Variants in COL6A6 observed in about 807,000 individuals in gnomAD.
COL6A6 encodes collagen alpha-6(VI) chain.
COL6A6 carries 183 observed loss-of-function variants against 208.6 expected under a neutral mutation model. The observed-to-expected ratio is 0.88, with a 90% CI of 0.78 to 0.99. The LOEUF is 0.99. COL6A6 is among the 50% of genes least tolerant of loss of function. The probability of loss-of-function intolerance (pLI) is 0.00; values close to 1 mark genes in which losing one functional copy is unlikely to be tolerated. For synonymous variants in COL6A6, 973 were observed against 1,011.8 expected, an observed-to-expected ratio of 0.96 and a Z score of 0.73; for missense variants, 2,816 against 2,815.2, an observed-to-expected ratio of 1.00 and a Z score of -0.01.
At chr3:130,577,809 C>G (rs910278983) in intron 8 of COL6A6, among the ~76,000 whole-genome samples, 4 of 152,196 alleles carry the variant, frequency 2.6e-5, no homozygotes, top group Non-Finnish European at 4.4e-5. Flanking sequence ...GGTAAGTGTT[C>G]ATTGAGAGTT....
intron 8 of COL6A6, among the ~76,000 whole-genome samples, chr3:130,574,793 G>A (rs2063255443): frequency 6.6e-6 from 1 of 152,180 alleles, no homozygotes; most frequent in South Asian, 2.1e-4. Context: ...CAGGTGTGAG[G>A]AAAAGGCCAT....
chr3:130,651,425 C>CAAAAA (rs35957602), intron 33 of COL6A6, among the ~76,000 whole-genome samples: 33 of 60,930 alleles, frequency 5.4e-4, no homozygotes, highest in East Asian at 1.2e-3. Context: ...GACTCCATCT[C>CAAAAA]AAAAAAAAAA....
At chr3:130,539,491 G>C (rs1200570870) in intron 1 of COL6A6, among the ~76,000 whole-genome samples, 1 of 152,128 alleles carries the variant, frequency 6.6e-6, no homozygotes, top group African/African-American at 2.4e-5. Flanking sequence ...AAAATTAGCC[G>C]GGTGTGGTGG....
In COL6A6 at chr3:130,574,288, C is replaced by T. The variant is rs779405796; in HGVS notation, c.3310C>T (p.Gln1104Ter). Residue 1104 changes from glutamine to a stop codon, truncating the protein, a stop_gained, in exon 8 of 37, where the codon CAG (glutamine) becomes TAG (stop). Coordinates refer to ENST00000358511, the MANE Select transcript of COL6A6 (RefSeq NM_001102608.3). LOFTEE classifies it high-confidence loss of function. ...MGSRINTGTP[Q>*]VLLVLTDGQS... is the part of the protein sequence containing the mutation. The stretch of plus-strand genomic sequence containing the variant: ...CAGCAGGATAAATACAGGTACCCCA[C>T]AGGTGCTGCTGGTCCTTACAGATGG... 4 of 1,614,014 alleles carry T rather than the reference C, an allele frequency of 2.5e-6. No homozygotes were observed. Among genetic ancestry groups the T allele is most frequent in the Non-Finnish European group, 3.4e-6 (4 of 1,179,904 alleles).
In COL6A6 at chr3:130,627,300, T is replaced by C. The variant is rs761291124; in HGVS notation, c.4942-19T>C. On this transcript the variant is annotated intron_variant, in intron 25 of 36. Coordinates refer to ENST00000358511, the MANE Select transcript of COL6A6 (RefSeq NM_001102608.3). The stretch of plus-strand genomic sequence containing the variant: ...TATCTGTAGTCTGGGATGTTGGTAA[T>C]CAATTGCTCTGTTTACAGGGCAATG... 3.1e-6 allele frequency: 5 copies of C among 1,609,292 alleles called. No individual in the cohort carries two copies. The highest frequency in any genetic ancestry group is 4.3e-6 in the Non-Finnish European group (5 of 1,175,774).
intron 33 of COL6A6, among the ~76,000 whole-genome samples, chr3:130,650,896 C>T (rs2065622532): frequency 6.6e-6 from 1 of 152,158 alleles, no homozygotes; most frequent in South Asian, 2.1e-4. Flanking sequence ...TAAGGGTGGT[C>T]ACTCACCTGT....
In COL6A6 at chr3:130,552,397, T is replaced by C. The variant is rs563861340; in HGVS notation, c.-31-7937T>C. Among the ~76,000 whole-genome samples, 12 of 152,308 alleles carry C rather than the reference T, an allele frequency of 7.9e-5. 1 individual carries two copies. The highest frequency in any genetic ancestry group is 3.3e-4 in the Admixed American group (5 of 15,300). ...CCTGTTACTATTATGTAATGTCCTTTGTCTTTTTTTTATCTTTGTTGGTTT... is the reference window on the plus strand; with the variant it reads ...CCTGTTACTATTATGTAATGTCCTTCGTCTTTTTTTTATCTTTGTTGGTTT... On this transcript the variant is annotated intron_variant, in intron 1 of 36. Transcript: ENST00000358511.
chr3:130,574,255 G>C lies in COL6A6; in HGVS notation c.3277G>C (p.Asp1093His), dbSNP rs1040803272. 1.2e-6 allele frequency: 2 copies of C among 1,613,900 alleles called. No individual in the cohort carries two copies. Among genetic ancestry groups the C allele is most frequent in the Admixed American group, 1.7e-5 (1 of 60,014 alleles). ...LREVEHYFRP[D>H]MGSRINTGTP... ...GGAGGTGGAACATTACTTCAGGCCA[G>C]ACATGGGCAGCAGGATAAATACAGG... Residue 1093 changes from aspartate to histidine, a missense_variant, in exon 8 of 37, where the codon GAC becomes CAC. By Grantham distance (81) the Asp-to-His change is moderately conservative. Coordinates refer to ENST00000358511, the MANE Select transcript of COL6A6 (RefSeq NM_001102608.3).
Position 130,557,426 on chromosome 3 carries a change from T to C in COL6A6, c.-31-2908T>C, listed in dbSNP as rs561144660. Among the ~76,000 whole-genome samples the C allele has an allele frequency of 2.0e-5, 3 of 152,332 alleles. No homozygotes were observed. The East Asian group carries it at 5.8e-4, about 29-fold the overall frequency. Reference sequence around the variant, plus strand: ...CAGCATTTTAACATGAACTTAAGGCTCACTCTGAATATTTTTCTTTTTACT... The same window carrying C: ...CAGCATTTTAACATGAACTTAAGGCCCACTCTGAATATTTTTCTTTTTACT... On this transcript the variant is annotated intron_variant, in intron 1 of 36. Coordinates refer to ENST00000358511, the MANE Select transcript of COL6A6 (RefSeq NM_001102608.3).
intron 32 of COL6A6, among the ~76,000 whole-genome samples, chr3:130,645,432 C>T (rs1351211140): frequency 6.6e-6 from 1 of 152,088 alleles, no homozygotes; most frequent in Non-Finnish European, 1.5e-5. Context: ...CACATGCCAT[C>T]ATGCTTGACT....
In COL6A6 at chr3:130,563,477, AG is replaced by A. The variant is rs1370949521; in HGVS notation, c.475del (p.Val159Ter). ...EASKALRKDG[V>X]KIISVGVQKA... Reference sequence around the variant, plus strand: ...CATCAAAGGCCCTGCGGAAAGACGGAGTGAAAATCATCTCTGTAGGGGTGCA... The same window carrying A: ...CATCAAAGGCCCTGCGGAAAGACGGATGAAAATCATCTCTGTAGGGGTGCA... On this transcript the variant is annotated frameshift_variant, in exon 3 of 37. Transcript: ENST00000358511. LOFTEE classifies it high-confidence loss of function. 6.2e-7 allele frequency: 1 copy of A among 1,614,038 alleles called. No homozygotes were observed. The highest frequency in any genetic ancestry group is 1.1e-5 in the South Asian group (1 of 91,090).
chr3:130,538,292 A>G (rs2107736663), intron 1 of COL6A6, among the ~76,000 whole-genome samples: 1 of 152,338 alleles, frequency 6.6e-6, no homozygotes, highest in Middle Eastern at 3.4e-3. Flanking sequence ...TCTGCAAAAT[A>G]TTATACCTAA....
intron 7 of COL6A6, among the ~76,000 whole-genome samples, chr3:130,571,842 AT>A (rs67080729): frequency 6.3e-5 from 7 of 110,846 alleles, no homozygotes; most frequent in East Asian, 5.2e-4. Flanking sequence ...GGCATGGCTA[AT>A]TTTTTTTTTT....
chr3:130,529,015 G>T (rs533678053), intron 1 of COL6A6, among the ~76,000 whole-genome samples: 1 of 152,040 alleles, frequency 6.6e-6, no homozygotes, highest in Non-Finnish European at 1.5e-5. Flanking sequence ...GCGTGAACCC[G>T]GGAGCTGGAG....
At chr3:130,524,919 C>T (rs527974277) in intron 1 of COL6A6, among the ~76,000 whole-genome samples, 1 of 152,276 alleles carries the variant, frequency 6.6e-6, no homozygotes, top group East Asian at 1.9e-4. Flanking sequence ...GATAGAAATA[C>T]CCTAGGGAAA....
At chr3:130,604,576 G>A (rs1022431693) in intron 20 of COL6A6, among the ~76,000 whole-genome samples, 3 of 151,628 alleles carry the variant, frequency 2.0e-5, no homozygotes, top group Admixed American at 2.0e-4. Context: ...CATTATTTGT[G>A]TGAATGGTGG....
At chr3:130,578,058 A>C (rs1262115842) in intron 8 of COL6A6, among the ~76,000 whole-genome samples, 1 of 152,122 alleles carries the variant, frequency 6.6e-6, no homozygotes, top group Non-Finnish European at 1.5e-5. Flanking sequence ...TTTCTTTGAG[A>C]CTGGCTATTC....
rs1420227700 is a variant in COL6A6 at position 130,590,293 on chromosome 3, ATATATATTTTTTTTTTTTTTTTTTT to A, written c.4219-746_4219-722del. On this transcript the variant is annotated intron_variant, in intron 12 of 36. Transcript: ENST00000358511. ...TATATATATATATATATATATATAT[ATATATATTTTTTTTTTTTTTTTTTT>A]TTTTTTTTTTTACTATAAGTTCTAG... Among the ~76,000 whole-genome samples, 11 of 14,400 alleles carry A rather than the reference ATATATATTTTTTTTTTTTTTTTTTT, an allele frequency of 7.6e-4. No homozygotes were observed. The East Asian group carries it at 0.012, about 16-fold the overall frequency. The allele number at this position is 14,400 out of a possible 152,430, so 9.4% of individuals were successfully genotyped here. A position where few individuals can be genotyped will look rare whatever the true frequency, so the allele number is the denominator to read the frequency against.
intron 8 of COL6A6, among the ~76,000 whole-genome samples, chr3:130,578,626 C>T (rs1038468973): frequency 6.6e-6 from 1 of 152,058 alleles, no homozygotes; most frequent in African/African-American, 2.4e-5. Flanking sequence ...GAGGATTTAC[C>T]TGCCAATTGC....
Sources: gnomAD v4.1 joint callset for allele counts (sites outside exome capture counted in the v4.1 genomes callset) on GRCh38, gnomAD v4.1.1 for gene constraint, MANE v1.5 for transcripts, NCBI Gene and HGNC (gene_info 2026-07-23, HGNC 2026-07-21) for gene names.